Variants in NPHS1 observed in about 807,000 individuals in gnomAD.
NPHS1 encodes nephrin.
NPHS1 carries 107 observed loss-of-function variants against 139.7 expected under a neutral mutation model. The ratio of observed to expected loss-of-function variants is 0.77; its 90% CI spans 0.66 to 0.90. NPHS1 has a LOEUF of 0.90. NPHS1 is among the 40% of genes least tolerant of loss of function. NPHS1 has a pLI of 0.00. For synonymous variants in NPHS1, 707 were observed against 706.6 expected (o/e 1.00, Z -0.01); for missense variants, 1,580 against 1,654.2 (o/e 0.96, Z 0.78).
At chr19:35,829,793 C>T (rs1568448606) in intron 28 of NPHS1, among the ~76,000 whole-genome samples, 1 of 151,980 alleles carries the variant, frequency 6.6e-6, no homozygotes, top group Non-Finnish European at 1.5e-5. Context: ...CCCACCTCAG[C>T]CTCTCAGAGT....
intron 23 of NPHS1, among the ~76,000 whole-genome samples, chr19:35,834,762 G>T (rs562528555): frequency 6.6e-6 from 1 of 151,924 alleles, no homozygotes; most frequent in African/African-American, 2.4e-5. Context: ...GTGTTGGCAC[G>T]TGCCTGTAGT....
Position 35,841,829 on chromosome 19 carries a change from T to A in NPHS1, c.2701A>T (p.Ser901Cys), listed in dbSNP as rs1446809484. The A allele has an allele frequency of 6.2e-7, 1 of 1,613,908 alleles. No individual in the cohort carries two copies. Among genetic ancestry groups the A allele is most frequent in the Non-Finnish European group, 8.5e-7 (1 of 1,179,910 alleles). Residue 901 changes from serine (S) to cysteine (C), a missense_variant, in exon 20 of 29, where the codon AGC becomes TGC. Coordinates refer to ENST00000378910, the MANE Select transcript of NPHS1 (RefSeq NM_004646.4). Reference sequence around the variant, plus strand: ...ACGTTGGCAATGGTCAGGAGGCTGCTGTGGACACCACCCTGGTGGTATGTG... The same window carrying A: ...ACGTTGGCAATGGTCAGGAGGCTGCAGTGGACACCACCCTGGTGGTATGTG... ...EHTYHQGGVH[S>C]SLLTIANVSA...
rs1972877803 is a variant in NPHS1, at chr19:35,831,289, C to T, written c.3387+7G>A. The T allele has an allele frequency of 6.2e-7, 1 of 1,614,024 alleles. No individual in the cohort carries two copies. The highest frequency in any genetic ancestry group is 8.5e-7 in the Non-Finnish European group (1 of 1,179,938). On this transcript the variant is annotated splice_region_variant and intron_variant, in intron 26 of 28. Transcript: ENST00000378910. ...ATTGTGGGGTCACCAGGGCCACCCC[C>T]ACTTACCGTGGAGCTCTGAGTGTCC...
chr19:35,837,026 A>AAAAAG (rs1555761160), intron 22 of NPHS1, among the ~76,000 whole-genome samples: 3 of 131,864 alleles, frequency 2.3e-5, no homozygotes, highest in Non-Finnish European at 4.7e-5. Context: ...AAAAGAAAAG[A>AAAAAG]AAAGAAAGAA....
In NPHS1 at chr19:35,831,655, G is replaced by T. The variant is rs199646631; in HGVS notation, c.3274C>A (p.Arg1092Ser). Residue 1092 changes from arginine (R) to serine (S), a missense_variant, in exon 24 of 29, where the codon CGT (arginine) becomes AGT (serine). Coordinates refer to ENST00000378910, the MANE Select transcript of NPHS1 (RefSeq NM_004646.4). ...GGVLWQRRLR[R>S]LAEGISEKTE... is the part of the protein sequence containing the mutation. Reference sequence around the variant, plus strand: ...GGTCTCTCCTCACCCTCAGCAAGACGCCTGAGTCTCCGCTGCCAGAGGACC... The same window carrying T: ...GGTCTCTCCTCACCCTCAGCAAGACTCCTGAGTCTCCGCTGCCAGAGGACC... 28 of 1,612,750 alleles carry T rather than the reference G, an allele frequency of 1.7e-5. No individual in the cohort carries two copies. The highest frequency in any genetic ancestry group is 2.3e-5 in the Non-Finnish European group (27 of 1,179,636).
chr19:35,827,340 A>G (rs574413709), intron 28 of NPHS1, among the ~76,000 whole-genome samples: 3 of 152,040 alleles, frequency 2.0e-5, no homozygotes, highest in South Asian at 2.1e-4. Flanking sequence ...GTGAGCGCCT[A>G]TAGTCCTAGA....
At position 35,842,380 on chromosome 19, in the gene NPHS1, T is replaced by A; in HGVS notation, c.2505A>T (p.Arg835Ser). 2 of 1,613,846 alleles carry A rather than the reference T, an allele frequency of 1.2e-6. No individual in the cohort carries two copies. The highest frequency in any genetic ancestry group is 1.7e-6 in the Non-Finnish European group (2 of 1,179,976). The change falls in exon 18 of 29, where the codon AGA becomes AGT. Residue 835 changes from arginine to serine, a missense_variant and splice_region_variant. Arg to Ser is a moderately radical substitution (Grantham distance 110, BLOSUM62 -1). Coordinates refer to ENST00000378910, the MANE Select transcript of NPHS1 (RefSeq NM_004646.4). ...GTCAGGTGTTTGGGTAATACCCACA[T>A]CTGACAACAAGACGGAGCAGCCGTC... is the stretch of plus-strand genomic sequence containing the variant. ...PARRLLRLVVRFAPQVEHPTP... is the reference protein window; with the variant it reads ...PARRLLRLVVSFAPQVEHPTP...
chr19:35,833,771 A>G (rs547138919), intron 23 of NPHS1, among the ~76,000 whole-genome samples: 1 of 151,972 alleles, frequency 6.6e-6, no homozygotes, highest in Non-Finnish European at 1.5e-5. Context: ...AGCTCGGCTC[A>G]TTGAAGGCTC....
chr19:35,835,192 T>G (rs1163647958), intron 23 of NPHS1, among the ~76,000 whole-genome samples: 1 of 89,508 alleles, frequency 1.1e-5, no homozygotes, highest in Non-Finnish European at 2.1e-5. Flanking sequence ...AGAATGAGAC[T>G]CTGTCTCAAA....
chr19:35,845,578 C>T lies in NPHS1; in HGVS notation c.1758-38G>A. The T allele has an allele frequency of 1.2e-6, 2 of 1,609,022 alleles. No homozygotes were observed. Among genetic ancestry groups the T allele is most frequent in the Non-Finnish European group, 1.7e-6 (2 of 1,177,558 alleles). ...GGTCAAGCCAGGGCTGCGAGCGGAGCCAGAGGCTGGAGAGGCACTAGGCGG... is the reference window on the plus strand; with the variant it reads ...GGTCAAGCCAGGGCTGCGAGCGGAGTCAGAGGCTGGAGAGGCACTAGGCGG... On this transcript the variant is annotated intron_variant, in intron 13 of 28. Transcript: ENST00000378910. This position sits in a 1 kb window ranked among gnomAD's most constrained non-coding sequence, Gnocchi z 5.5.
Position 35,845,612 on chromosome 19 carries a change from C to T in NPHS1, c.1757+57G>A. The T allele has an allele frequency of 6.2e-7, 1 of 1,606,672 alleles. No individual in the cohort carries two copies. Among genetic ancestry groups the T allele is most frequent in the Non-Finnish European group, 8.5e-7 (1 of 1,176,188 alleles). ...GGAGAGGCACTAGGCGGGGGCGGGA[C>T]ATGCGTGGAGGGGGCGAGGCCAGAC... On this transcript the variant is annotated intron_variant, in intron 13 of 28. Transcript: ENST00000378910. This position sits in a 1 kb window ranked among gnomAD's most constrained non-coding sequence, Gnocchi z 5.5.
intron 28 of NPHS1, among the ~76,000 whole-genome samples, chr19:35,827,260 T>C (rs1972811399): frequency 6.6e-6 from 1 of 151,794 alleles, no homozygotes; most frequent in Admixed American, 6.6e-5. Context: ...GGATTATAAG[T>C]CACTGGGATT....
intron 20 of NPHS1, among the ~76,000 whole-genome samples, chr19:35,840,852 CTTT>C (rs746031842): frequency 3.1e-5 from 4 of 128,380 alleles, no homozygotes; most frequent in East Asian, 2.3e-4. Flanking sequence ...TCACGCCCGG[CTTT>C]TTTTTTTTTT....
chr19:35,849,558 T>G lies in NPHS1; in HGVS notation c.704A>C (p.Asn235Thr). 6.2e-7 allele frequency: 1 copy of G among 1,613,736 alleles called. No homozygotes were observed. The highest frequency in any genetic ancestry group is 8.5e-7 in the Non-Finnish European group (1 of 1,179,666). The stretch of plus-strand genomic sequence containing the variant: ...CCCAGTTCTCCACTTACACAGAACA[T>G]TCACGGTGAATGAGGCCTTGATGGG... ...EAPIKASFTVNVLFPPGPPVI... is the reference protein window; with the variant it reads ...EAPIKASFTVTVLFPPGPPVI... Residue 235 changes from asparagine (N) to threonine (T), a missense_variant, in exon 6 of 29, where the codon AAT (asparagine) becomes ACT (threonine). Transcript: ENST00000378910.
chr19:35,851,971 C>G lies in NPHS1; in HGVS notation c.-134G>C. 1 of 757,406 alleles carries G rather than the reference C, an allele frequency of 1.3e-6. No homozygotes were observed. The highest frequency in any genetic ancestry group is 2.2e-5 in the Admixed American group (1 of 46,466). The allele number at this position is 757,406 out of a possible 1,614,324, so 46.9% of individuals were successfully genotyped here. On this transcript the variant is annotated 5_prime_UTR_variant, in exon 1 of 29. Coordinates refer to ENST00000378910, the MANE Select transcript of NPHS1 (RefSeq NM_004646.4). The stretch of plus-strand genomic sequence containing the variant: ...TTATCTCTTTCCGTTACTCTCCTCC[C>G]TTTCTCGTTTTCCTCTTCCCCTCTT...
intron 16 of NPHS1, 33 bp downstream of exon 16, chr19:35,844,070 G>A (rs2146821749): frequency 6.2e-7 from 1 of 1,602,870 alleles, no homozygotes; most frequent in Non-Finnish European, 8.5e-7. Flanking sequence ...GGTTCCTTGG[G>A]TGGGTGTGGT....
In NPHS1 at chr19:35,835,763, T is replaced by C. The variant is rs2146812253; in HGVS notation, c.3110-2A>G. 6.2e-7 allele frequency: 1 copy of C among 1,613,216 alleles called. No individual in the cohort carries two copies. The highest frequency in any genetic ancestry group is 8.5e-7 in the Non-Finnish European group (1 of 1,179,468). On this transcript the variant is annotated splice_acceptor_variant, in intron 22 of 28. Transcript: ENST00000378910. LOFTEE classifies it high-confidence loss of function. ...GTTCTCCAGAAGGCTGGTGGAGACC[T>C]GGGGGGTGGATATACAGATTGTGAC...
chr19:35,836,370 G>C (rs543380691), intron 22 of NPHS1, among the ~76,000 whole-genome samples: 1 of 151,236 alleles, frequency 6.6e-6, no homozygotes, highest in East Asian at 2.0e-4. Flanking sequence ...CTATCCTCCC[G>C]CCTCAGACTC....
intron 23 of NPHS1, among the ~76,000 whole-genome samples, chr19:35,832,906 A>G (rs1194010378): frequency 3.4e-5 from 5 of 149,032 alleles, no homozygotes; most frequent in Admixed American, 6.6e-5. Flanking sequence ...AAAAAAAAAA[A>G]AAGAGTCTCA....
Sources: gnomAD v4.1 joint callset for allele counts (sites outside exome capture counted in the v4.1 genomes callset) on GRCh38, gnomAD v4.1.1 for gene constraint, Gnocchi (gnomAD v3.1) non-coding constraint, MANE v1.5 for transcripts, NCBI Gene and HGNC (gene_info 2026-07-23, HGNC 2026-07-21) for gene names.